The following SUMF1 variants were observed in gnomAD, a reference collection of about 807,000 sequenced individuals.
SUMF1 encodes formylglycine-generating enzyme.
SUMF1 carries 48 observed loss-of-function variants against 47.6 expected under a neutral mutation model. The observed-to-expected ratio is 1.01, with a 90% CI of 0.80 to 1.28. SUMF1 has a LOEUF of 1.28. Ranked by LOEUF, SUMF1 falls within the 50% of genes most tolerant of loss-of-function variation. The pLI is 0.00. For missense variants in SUMF1, 571 were observed against 485.4 expected (o/e 1.18, Z -1.66); for synonymous variants, 230 against 192.1 (o/e 1.20, Z -1.63).
At chr3:4,296,306 T>TAAA (rs10662776) in intron 8 of SUMF1, among the ~76,000 whole-genome samples, 8,332 of 143,512 alleles carry the variant, frequency 0.058, 388 homozygotes, top group South Asian at 0.27. Flanking sequence ...GCAAAATAGT[T>TAAA]AAAAAAAAAA....
intron 8 of SUMF1, among the ~76,000 whole-genome samples, chr3:4,190,573 C>T (rs536858869): frequency 2.0e-5 from 3 of 152,118 alleles, no homozygotes; most frequent in East Asian, 1.9e-4. Flanking sequence ...TAACAATCCC[C>T]TACATTTGTA....
At chr3:4,056,677 T>C (rs1246547754) in intron 9 of SUMF1, among the ~76,000 whole-genome samples, 2 of 152,028 alleles carry the variant, frequency 1.3e-5, no homozygotes, top group Admixed American at 1.3e-4. Context: ...AAAAACAATG[T>C]TTAGCTCTGG....
At chr3:4,402,001 A>C in intron 7 of SUMF1, among the ~76,000 whole-genome samples, 1 of 152,196 alleles carries the variant, frequency 6.6e-6, no homozygotes, top group South Asian at 2.1e-4. Flanking sequence ...CTACTGCTCC[A>C]TAAGAAGTAG....
intron 9 of SUMF1, among the ~76,000 whole-genome samples, chr3:4,037,041 T>A (rs1385941284): frequency 1.3e-5 from 2 of 151,980 alleles, no homozygotes; most frequent in Non-Finnish European, 2.9e-5. Flanking sequence ...CAGAAAGGTG[T>A]ATCACCACAG....
intron 8 of SUMF1, chr3:4,314,041 T>C: frequency 1.9e-6 from 1 of 533,562 alleles, no homozygotes; most frequent in Non-Finnish European, 3.3e-6. Flanking sequence ...GGAGATATCC[T>C]GCCCTTCACC....
intron 8 of SUMF1, among the ~76,000 whole-genome samples, chr3:4,105,981 T>C (rs754628821): frequency 1.4e-4 from 22 of 152,002 alleles, no homozygotes; most frequent in Non-Finnish European, 2.6e-4. Flanking sequence ...TCTATCCATG[T>C]TGGCATATAC....
intron 8 of SUMF1, among the ~76,000 whole-genome samples, chr3:4,240,931 A>G (rs541604660): frequency 6.6e-6 from 1 of 152,012 alleles, no homozygotes. Context: ...TTAAATGACA[A>G]ATGACATATT....
At chr3:4,394,576 G>T (rs1255365693) in intron 7 of SUMF1, among the ~76,000 whole-genome samples, 1 of 152,198 alleles carries the variant, frequency 6.6e-6, no homozygotes, top group Non-Finnish European at 1.5e-5. Flanking sequence ...TTTGTAATGT[G>T]TCACCTTGGC....
rs1157840445 is a variant in SUMF1 at position 4,467,053 on chromosome 3, C to T, written c.193G>A (p.Ala65Thr). The T allele has an allele frequency of 1.9e-6, 3 of 1,569,518 alleles. No homozygotes were observed. Among genetic ancestry groups the T allele is most frequent in the Non-Finnish European group, 1.7e-6 (2 of 1,158,836 alleles). ...PQRPGAHGSS[A>T]AAHRYSREAN... ...TCCCGCGAGTATCGGTGAGCGGCTG[C>T]CGAACTGCCATGGGCGCCAGGCCGC... The change falls in exon 1 of 9, where the codon GCA (alanine) becomes ACA (threonine). Residue 65 changes from alanine (A) to threonine (T), a missense_variant. Ala to Thr is a moderately conservative substitution (Grantham distance 58, BLOSUM62 0). Coordinates refer to ENST00000272902, the MANE Select transcript of SUMF1 (RefSeq NM_182760.4).
chr3:4,466,130 G>T (rs1158424840), intron 1 of SUMF1, among the ~76,000 whole-genome samples: 3 of 150,190 alleles, frequency 2.0e-5, no homozygotes, highest in East Asian at 1.9e-4. Flanking sequence ...TTTTTTTTTC[G>T]AGACGGAGTC....
intron 8 of SUMF1, among the ~76,000 whole-genome samples, chr3:4,154,372 A>T (rs1213094836): frequency 6.6e-6 from 1 of 151,522 alleles, no homozygotes; most frequent in Non-Finnish European, 1.5e-5. Context: ...TTCATTTTTC[A>T]TTTATTCACT....
At chr3:4,135,001 G>C (rs967667460) in intron 8 of SUMF1, among the ~76,000 whole-genome samples, 4 of 152,038 alleles carry the variant, frequency 2.6e-5, no homozygotes, top group African/African-American at 9.7e-5. Context: ...ACCAATAAAA[G>C]TCCAGGACCA....
At chr3:4,188,801 G>A (rs915518123) in intron 8 of SUMF1, among the ~76,000 whole-genome samples, 2 of 152,168 alleles carry the variant, frequency 1.3e-5, no homozygotes, top group Non-Finnish European at 2.9e-5. Flanking sequence ...GCTCATCCAT[G>A]TAAAACATTT....
At chr3:4,385,882 C>T (rs750954901) in intron 7 of SUMF1, among the ~76,000 whole-genome samples, 202 of 152,248 alleles carry the variant, frequency 1.3e-3, no homozygotes, top group Non-Finnish European at 2.2e-3. Context: ...TGTTGAAAAG[C>T]CTTTCTTTCC....
At chr3:4,146,052 C>T (rs1694186944) in intron 8 of SUMF1, among the ~76,000 whole-genome samples, 1 of 152,214 alleles carries the variant, frequency 6.6e-6, no homozygotes, top group South Asian at 2.1e-4. Context: ...TTCCAGCAGG[C>T]AAGTACTTGA....
In SUMF1 at chr3:4,182,351, T is replaced by G. The variant is rs140958747; in HGVS notation, c.1015-113606A>C. 4.4e-3 allele frequency among the ~76,000 whole-genome samples: 671 copies of G among 151,174 alleles called. 2 individuals are homozygous for G. Among genetic ancestry groups the G allele is most frequent in the African/African-American group, 0.015 (629 of 41,388 alleles). ...GCACTGTAAACCAGTAATCTGTGCA[T>G]GATAAATCCAACTTCCAAGTTATAT... is the stretch of plus-strand genomic sequence containing the variant. On this transcript the variant is annotated intron_variant and NMD_transcript_variant, in intron 8 of 12. Coordinates refer to the SUMF1 transcript ENST00000448413.
intron 8 of SUMF1, among the ~76,000 whole-genome samples, chr3:4,296,374 T>C (rs1435216290): frequency 1.7e-4 from 26 of 151,936 alleles, no homozygotes; most frequent in Admixed American, 1.7e-3. Flanking sequence ...ATAACTTCTA[T>C]ACAGAGCTGT....
At chr3:4,244,365 C>G (rs1002816811) in intron 8 of SUMF1, among the ~76,000 whole-genome samples, 2 of 152,216 alleles carry the variant, frequency 1.3e-5, no homozygotes, top group Non-Finnish European at 2.9e-5. Flanking sequence ...ATGGTCTTTA[C>G]AATTTGGCAT....
intron 8 of SUMF1, among the ~76,000 whole-genome samples, chr3:4,236,583 C>T (rs960540373): frequency 2.6e-5 from 4 of 151,998 alleles, no homozygotes; most frequent in African/African-American, 9.7e-5. Context: ...GTGAGACCCC[C>T]CATCTCTAAA....
Sources: gnomAD v4.1 joint callset for allele counts (sites outside exome capture counted in the v4.1 genomes callset) on GRCh38, gnomAD v4.1.1 for gene constraint, MANE v1.5 for transcripts, NCBI Gene and HGNC (gene_info 2026-07-23, HGNC 2026-07-21) for gene names.